Variants in BTRC observed in about 807,000 individuals in gnomAD.
BTRC encodes the protein beta-transducin repeat containing E3 ubiquitin protein ligase, also known as F-box/WD repeat-containing protein 1A.
In BTRC, 42 loss-of-function variants were observed where a neutral mutation model predicts 85.5. The observed-to-expected ratio is 0.49, with a 90% CI of 0.38 to 0.64. The LOEUF is 0.64. BTRC is among the 30% of genes least tolerant of loss of function. The pLI is 0.00. For synonymous variants in BTRC, 255 were observed against 263.3 expected, an observed-to-expected ratio of 0.97 and a Z score of 0.30; for missense variants, 594 against 743.5, an observed-to-expected ratio of 0.80 and a Z score of 2.34.
In BTRC at chr10:101,366,998, A is replaced by ATT. The variant is rs1333636402; in HGVS notation, c.48+12771_48+12772insTT. ...TATTTATATATTTATATATATTAAT[A>ATT]TATATATTTATATATATATTTATAT... On this transcript the variant is annotated intron_variant, in intron 1 of 14. Transcript: ENST00000370187. Among the ~76,000 whole-genome samples the ATT allele has an allele frequency of 6.9e-4, 50 of 72,356 alleles. 4 individuals are homozygous for ATT. The highest frequency in any genetic ancestry group is 2.8e-3 in the African/African-American group (48 of 17,440). 47.5% of individuals were successfully genotyped at this position (72,356 alleles called of 152,430 possible). A position where few individuals can be genotyped will look rare whatever the true frequency, so the allele number is the denominator to read the frequency against.
At chr10:101,388,235 C>A (rs1943135532) in intron 1 of BTRC, among the ~76,000 whole-genome samples, 1 of 152,106 alleles carries the variant, frequency 6.6e-6, no homozygotes, top group African/African-American at 2.4e-5. Context: ...AATCATAGCT[C>A]ATTGTAACAT....
intron 1 of BTRC, among the ~76,000 whole-genome samples, chr10:101,423,098 G>T (rs530601862): frequency 5.3e-5 from 8 of 151,744 alleles, no homozygotes; most frequent in Non-Finnish European, 8.8e-5. Flanking sequence ...CATAAAAATA[G>T]AGATGGGGTC....
chr10:101,398,362 G>A (rs1425286617), intron 1 of BTRC, among the ~76,000 whole-genome samples: 3 of 151,774 alleles, frequency 2.0e-5, no homozygotes, highest in Admixed American at 2.0e-4. Context: ...GAGTACAGTG[G>A]CGCGATCTCA....
chr10:101,519,672 G>C (rs1315288199), intron 4 of BTRC, among the ~76,000 whole-genome samples: 1 of 152,178 alleles, frequency 6.6e-6, no homozygotes, highest in Non-Finnish European at 1.5e-5. Context: ...GAATAACTCA[G>C]AGAAGGTATG....
intron 2 of BTRC, 55 bp downstream of exon 2, chr10:101,430,507 C>A: frequency 7.2e-7 from 1 of 1,393,824 alleles, no homozygotes; most frequent in Non-Finnish European, 1.0e-6. Context: ...GTGTCTAATT[C>A]ATTAGTATGT....
intron 14 of BTRC, chr10:101,551,221 C>G (rs1322762975): frequency 5.5e-6 from 1 of 180,758 alleles, no homozygotes; most frequent in Admixed American, 6.1e-5. Flanking sequence ...ACCCAAAGGC[C>G]TGTGATGTTT....
chr10:101,359,844 C>T (rs1422853367), intron 1 of BTRC, among the ~76,000 whole-genome samples: 1 of 152,146 alleles, frequency 6.6e-6, no homozygotes, highest in African/African-American at 2.4e-5. Flanking sequence ...AGGTGATCTG[C>T]CCGCCTTGGC....
At chr10:101,459,407 G>A (rs1945163934) in intron 2 of BTRC, among the ~76,000 whole-genome samples, 1 of 152,058 alleles carries the variant, frequency 6.6e-6, no homozygotes, top group Non-Finnish European at 1.5e-5. Flanking sequence ...CTACTCTTTA[G>A]TATTAGGAGG....
chr10:101,535,141 G>GAGTA (rs2062366982), intron 10 of BTRC, among the ~76,000 whole-genome samples: 1 of 152,152 alleles, frequency 6.6e-6, no homozygotes, highest in African/African-American at 2.4e-5. Context: ...AACCCTAGAA[G>GAGTA]AGTAAATCAA....
At chr10:101,387,528 C>CTGTTTTTTTTTTTTTTT (rs1943110588) in intron 1 of BTRC, among the ~76,000 whole-genome samples, 2 of 45,122 alleles carry the variant, frequency 4.4e-5, no homozygotes, top group African/African-American at 1.5e-4. Context: ...CTTCATGGGA[C>CTGTTTTTTTTTTTTTTT]TTTTTTTTTT....
intron 3 of BTRC, among the ~76,000 whole-genome samples, chr10:101,468,317 G>C (rs988774317): frequency 6.6e-6 from 1 of 151,042 alleles, no homozygotes; most frequent in African/African-American, 2.4e-5. Context: ...AAAGGAAACA[G>C]TTTATATGCT....
chr10:101,404,156 G>A (rs1462638701), intron 1 of BTRC, among the ~76,000 whole-genome samples: 1 of 147,624 alleles, frequency 6.8e-6, no homozygotes, highest in Non-Finnish European at 1.5e-5. Context: ...TCAGCCTCTC[G>A]AGTAGCTGGG....
At chr10:101,367,225 C>T (rs1476172495) in intron 1 of BTRC, among the ~76,000 whole-genome samples, 1 of 148,648 alleles carries the variant, frequency 6.7e-6, no homozygotes, top group Non-Finnish European at 1.5e-5. Flanking sequence ...CGCGCACCAC[C>T]ACGCCAGCTA....
chr10:101,533,140 A>G (rs1320377119), intron 9 of BTRC, 70 bp downstream of exon 9: 21 of 1,117,664 alleles, frequency 1.9e-5, no homozygotes, highest in Admixed American at 3.7e-5. Flanking sequence ...CATAGATAGT[A>G]ATTTTGTATA....
intron 3 of BTRC, among the ~76,000 whole-genome samples, chr10:101,475,162 T>C (rs1259764632): frequency 6.6e-6 from 1 of 152,190 alleles, no homozygotes. Flanking sequence ...TAATGCTCTA[T>C]TTTTTCATAT....
chr10:101,539,584 CTGAT>C (rs2062436736), intron 13 of BTRC, among the ~76,000 whole-genome samples: 1 of 152,188 alleles, frequency 6.6e-6, no homozygotes, highest in African/African-American at 2.4e-5. Context: ...TACCCATTCA[CTGAT>C]TGTTTCTCGT....
intron 1 of BTRC, among the ~76,000 whole-genome samples, chr10:101,358,399 A>G (rs1490687602): frequency 6.6e-6 from 1 of 152,138 alleles, no homozygotes; most frequent in African/African-American, 2.4e-5. Flanking sequence ...CACCTTGCCA[A>G]GCCACGTTTA....
At chr10:101,463,654 G>C (rs958907122) in intron 3 of BTRC, among the ~76,000 whole-genome samples, 1 of 152,018 alleles carries the variant, frequency 6.6e-6, no homozygotes, top group African/African-American at 2.4e-5. Context: ...ACCCTGTAAA[G>C]TTTTTAGATA....
Position 101,466,789 on chromosome 10 carries a change from G to A in BTRC, c.234+4731G>A, listed in dbSNP as rs140056778. Among the ~76,000 whole-genome samples, 50 of 152,238 alleles carry A rather than the reference G, an allele frequency of 3.3e-4. No individual in the cohort carries two copies. In the East Asian group the frequency reaches 8.7e-3, roughly 26 times the overall value. On this transcript the variant is annotated intron_variant, in intron 3 of 14. Transcript: ENST00000370187. ...CTGTTAATGACTGGGCCTTATAAAA[G>A]GAACTACATAAGTCTTTTAGAAGGA...
Sources: allele counts gnomAD v4.1 joint callset (sites outside exome capture counted in the v4.1 genomes callset), GRCh38; gene constraint gnomAD v4.1.1; transcripts MANE v1.5; gene names NCBI Gene and HGNC (gene_info 2026-07-23, HGNC 2026-07-21).